GLYATL3: variants seen among roughly 807,000 people sequenced by gnomAD.
GLYATL3 encodes the protein glycine N-acyltransferase-like protein 3.
In GLYATL3, 31 loss-of-function variants were observed where a neutral mutation model predicts 28.5. That is an observed-to-expected ratio of 1.09 (90% confidence interval 0.82 to 1.47). GLYATL3 has a LOEUF of 1.47. GLYATL3 is among the 40% of genes most tolerant of loss of function. The pLI is 0.00. For missense variants in GLYATL3, 369 were observed against 351.5 expected (o/e 1.05, Z -0.40); for synonymous variants, 141 against 140.2 (o/e 1.01, Z -0.04).
intron 1 of GLYATL3, among the ~76,000 whole-genome samples, chr6:49,504,130 G>T (rs573893527): frequency 3.9e-5 from 6 of 152,294 alleles, no homozygotes; most frequent in Non-Finnish European, 8.8e-5. Flanking sequence ...GGAGGCAGAG[G>T]TTGAGCCAGA....
At chr6:49,509,559 G>A (rs979875394) in intron 1 of GLYATL3, among the ~76,000 whole-genome samples, 1 of 152,102 alleles carries the variant, frequency 6.6e-6, no homozygotes, top group Non-Finnish European at 1.5e-5. Flanking sequence ...GAAAAACTTA[G>A]CACTAAACAG....
chr6:49,521,128 C>T (rs1769308021), intron 4 of GLYATL3, among the ~76,000 whole-genome samples: 1 of 152,098 alleles, frequency 6.6e-6, no homozygotes, highest in African/African-American at 2.4e-5. Context: ...TATCAAATAA[C>T]TATGACAAGT....
intron 1 of GLYATL3, among the ~76,000 whole-genome samples, chr6:49,507,981 G>A (rs1259379105): frequency 6.6e-6 from 1 of 152,156 alleles, no homozygotes; most frequent in Non-Finnish European, 1.5e-5. Flanking sequence ...CAGAAGTACA[G>A]TATACAGAGA....
rs1225042324 is a variant in GLYATL3 at position 49,501,100 on chromosome 6, T to A, written c.-29+1058T>A. ...GTTGAAGCCAATTAAGTAGAGGTTTTGCTATTAAGAAGCTGGAGGCCAGGC... is the reference window on the plus strand; with the variant it reads ...GTTGAAGCCAATTAAGTAGAGGTTTAGCTATTAAGAAGCTGGAGGCCAGGC... On this transcript the variant is annotated intron_variant, in intron 1 of 5. Transcript: ENST00000371197. Among the ~76,000 whole-genome samples the A allele has an allele frequency of 2.0e-5, 3 of 152,154 alleles. No homozygotes were observed. In the East Asian group the frequency reaches 5.8e-4, roughly 29 times the overall value.
chr6:49,504,616 C>G (rs570162326), intron 1 of GLYATL3, among the ~76,000 whole-genome samples: 1 of 151,980 alleles, frequency 6.6e-6, no homozygotes, highest in South Asian at 2.1e-4. Context: ...CTCCTTATCC[C>G]CCTGTTTTTG....
intron 5 of GLYATL3, among the ~76,000 whole-genome samples, chr6:49,522,076 C>A (rs949478345): frequency 6.6e-6 from 1 of 152,082 alleles, no homozygotes; most frequent in African/African-American, 2.4e-5. Context: ...GTCCTTATCC[C>A]TCAAATAATT....
chr6:49,503,167 A>T (rs1768944443), intron 1 of GLYATL3, among the ~76,000 whole-genome samples: 1 of 149,600 alleles, frequency 6.7e-6, no homozygotes, highest in South Asian at 2.2e-4. Flanking sequence ...GGACATTAGC[A>T]AAGGGGGGGA....
intron 4 of GLYATL3, among the ~76,000 whole-genome samples, chr6:49,518,446 T>C (rs2127237216): frequency 6.6e-6 from 1 of 152,324 alleles, no homozygotes. Flanking sequence ...TGTTGTTGTT[T>C]ATGATTGTTC....
chr6:49,517,429 G>A lies in GLYATL3; in HGVS notation c.187-1G>A, dbSNP rs368494673. ...TTTTGTGATTATGTCTTCTGTCCTA[G>A]GCTGAGACAGATAACCTTGATCATT... On this transcript the variant is annotated splice_acceptor_variant, in intron 3 of 5. Transcript: ENST00000371197. LOFTEE classifies it high-confidence loss of function. The A allele has an allele frequency of 1.2e-4, 180 of 1,537,976 alleles. No homozygotes were observed. Among genetic ancestry groups the A allele is most frequent in the Non-Finnish European group, 1.5e-4 (168 of 1,141,050 alleles).
At chr6:49,503,083 T>C (rs1474087679) in intron 1 of GLYATL3, among the ~76,000 whole-genome samples, 2 of 151,828 alleles carry the variant, frequency 1.3e-5, no homozygotes, top group Admixed American at 6.6e-5. Context: ...ATATAGATAG[T>C]ATATTTATTT....
At chr6:49,513,638 G>T in intron 2 of GLYATL3, among the ~76,000 whole-genome samples, 1 of 152,102 alleles carries the variant, frequency 6.6e-6, no homozygotes, top group East Asian at 1.9e-4. Flanking sequence ...GACCCTTCCA[G>T]GTTACTTTAG....
At chr6:49,523,348 G>A (rs1314940094) in intron 5 of GLYATL3, among the ~76,000 whole-genome samples, 4 of 152,192 alleles carry the variant, frequency 2.6e-5, no homozygotes, top group Non-Finnish European at 4.4e-5. Context: ...ATGAGCCACC[G>A]TGCTCTGCTA....
chr6:49,524,385 A>T (rs138110327), intron 5 of GLYATL3, among the ~76,000 whole-genome samples: 4 of 152,286 alleles, frequency 2.6e-5, no homozygotes, highest in Admixed American at 6.5e-5. Flanking sequence ...TGACAAGAAC[A>T]TTATCTCTTA....
intron 1 of GLYATL3, among the ~76,000 whole-genome samples, chr6:49,509,928 A>G (rs1451843692): frequency 7.4e-6 from 1 of 135,802 alleles, no homozygotes; most frequent in East Asian, 2.2e-4. Context: ...TTTTCTTGAT[A>G]TATTTTACGT....
intron 2 of GLYATL3, among the ~76,000 whole-genome samples, chr6:49,514,383 G>A (rs755847272): frequency 1.3e-5 from 2 of 152,202 alleles, no homozygotes; most frequent in African/African-American, 2.4e-5. Context: ...GTGCGACAAT[G>A]TACTTATTCA....
intron 1 of GLYATL3, among the ~76,000 whole-genome samples, chr6:49,501,806 G>A (rs1768918316): frequency 6.6e-6 from 1 of 152,168 alleles, no homozygotes; most frequent in East Asian, 1.9e-4. Context: ...AGATGAGCGT[G>A]TTATAGCCCT....
chr6:49,513,301 C>G (rs1445293809), intron 2 of GLYATL3, among the ~76,000 whole-genome samples: 1 of 151,942 alleles, frequency 6.6e-6, no homozygotes, highest in Non-Finnish European at 1.5e-5. Context: ...TCATCTCATT[C>G]CCCCAGCACA....
At chr6:49,506,256 A>G (rs1050304436) in intron 1 of GLYATL3, among the ~76,000 whole-genome samples, 2 of 152,250 alleles carry the variant, frequency 1.3e-5, no homozygotes, top group Non-Finnish European at 2.9e-5. Context: ...CTAATTTTAA[A>G]GAGGTAAAAC....
At chr6:49,501,732 T>C (rs1768916921) in intron 1 of GLYATL3, among the ~76,000 whole-genome samples, 1 of 152,190 alleles carries the variant, frequency 6.6e-6, no homozygotes, top group African/African-American at 2.4e-5. Flanking sequence ...GACAACTAGT[T>C]AGACCAGAAA....
Sources: allele counts gnomAD v4.1 joint callset (sites outside exome capture counted in the v4.1 genomes callset), GRCh38; gene constraint gnomAD v4.1.1; transcripts MANE v1.5; gene names NCBI Gene and HGNC (gene_info 2026-07-23, HGNC 2026-07-21).